Variants in LARP4B observed in about 807,000 individuals in gnomAD.
The protein encoded by LARP4B is La ribonucleoprotein 4B.
LARP4B carries 12 observed loss-of-function variants against 89.8 expected under a neutral mutation model. The ratio of observed to expected loss-of-function variants is 0.13; its 90% CI spans 0.09 to 0.22. LARP4B has a LOEUF of 0.22. LARP4B is among the 10% of genes least tolerant of loss of function. LARP4B has a pLI of 1.00. For synonymous variants in LARP4B, 367 were observed against 363.3 expected (o/e 1.01, Z -0.12); for missense variants, 757 against 947.7 (o/e 0.80, Z 2.64).
intron 8 of LARP4B, among the ~76,000 whole-genome samples, chr10:833,348 G>A (rs1452003047): frequency 1.3e-5 from 2 of 150,176 alleles, no homozygotes; most frequent in Non-Finnish European, 3.0e-5. Context: ...CGTCCTGGGC[G>A]GCATGCCGCC....
At chr10:827,396 G>A (rs535506224) in intron 11 of LARP4B, among the ~76,000 whole-genome samples, 3 of 152,246 alleles carry the variant, frequency 2.0e-5, no homozygotes, top group African/African-American at 7.2e-5. Flanking sequence ...TACAGACAGA[G>A]CCCTGATATT....
At chr10:947,930 T>C in the LARP4B span, among the ~76,000 whole-genome samples, 1 of 152,060 alleles carries the variant, frequency 6.6e-6, no homozygotes, top group Admixed American at 6.5e-5. Context: ...GCCAATGAAA[T>C]GTTTTTTAAA....
chr10:956,643 G>T, the LARP4B span, among the ~76,000 whole-genome samples: 1 of 152,060 alleles, frequency 6.6e-6, no homozygotes, highest in Non-Finnish European at 1.5e-5. This position sits in a 1 kb window ranked among gnomAD's most constrained non-coding sequence, Gnocchi z 4.3. Context: ...CACTGTGCCC[G>T]GCCCAAAAAT....
intron 5 of LARP4B, among the ~76,000 whole-genome samples, chr10:850,803 A>T (rs966139329): frequency 2.0e-5 from 3 of 152,200 alleles, no homozygotes; most frequent in Non-Finnish European, 2.9e-5. Context: ...ACTAGAAATT[A>T]ATAAAAGAAA....
At chr10:936,504 A>G (rs1470105414), upstream of LARP4B, among the ~76,000 whole-genome samples, 1 of 152,066 alleles carries the variant, frequency 6.6e-6, no homozygotes, top group Non-Finnish European at 1.5e-5. Flanking sequence ...TGTATCATCT[A>G]ATGTCAGGAG....
chr10:947,149 C>T, the LARP4B span, among the ~76,000 whole-genome samples: 1 of 152,140 alleles, frequency 6.6e-6, no homozygotes, highest in African/African-American at 2.4e-5. Context: ...GGATTACAGG[C>T]GTGAGCCACT....
chr10:872,328 GC>G (rs1197824783), intron 3 of LARP4B, among the ~76,000 whole-genome samples: 1 of 152,184 alleles, frequency 6.6e-6, no homozygotes, highest in African/African-American at 2.4e-5. Context: ...AGTTCTTCCT[GC>G]CGTGGCTCTG....
intron 3 of LARP4B, among the ~76,000 whole-genome samples, chr10:882,599 G>T (rs1398529761): frequency 6.6e-6 from 1 of 152,096 alleles, no homozygotes; most frequent in Non-Finnish European, 1.5e-5. Flanking sequence ...GTGTTAGCCA[G>T]GATGGTCTCG....
chr10:867,847 C>T (rs1468581025), intron 3 of LARP4B, among the ~76,000 whole-genome samples: 1 of 116,474 alleles, frequency 8.6e-6, no homozygotes, highest in Non-Finnish European at 1.7e-5. Flanking sequence ...GGTGACAGAG[C>T]AAGACTCCAT....
At chr10:919,260 G>C (rs1178226220) in intron 1 of LARP4B, among the ~76,000 whole-genome samples, 1 of 152,130 alleles carries the variant, frequency 6.6e-6, no homozygotes, top group Non-Finnish European at 1.5e-5. Flanking sequence ...TGGATCCAAG[G>C]TGCTGCACAG....
chr10:930,756 A>G (rs1316763886), intron 1 of LARP4B, among the ~76,000 whole-genome samples: 1 of 152,120 alleles, frequency 6.6e-6, no homozygotes, highest in African/African-American at 2.4e-5. Context: ...TATCAACAGG[A>G]AAACAGGAGC....
chr10:916,655 A>C (rs191801203), intron 1 of LARP4B, among the ~76,000 whole-genome samples: 1 of 152,306 alleles, frequency 6.6e-6, no homozygotes, highest in Admixed American at 6.5e-5. Flanking sequence ...AGATCACGCC[A>C]TTGCACTCCA....
At chr10:944,375 T>C in the LARP4B span, among the ~76,000 whole-genome samples, 2 of 152,198 alleles carry the variant, frequency 1.3e-5, no homozygotes, top group Non-Finnish European at 2.9e-5. Flanking sequence ...ATCATCAGCC[T>C]GGGATATGGC....
intron 1 of LARP4B, among the ~76,000 whole-genome samples, chr10:925,295 C>T (rs888883241): frequency 2.6e-5 from 4 of 152,136 alleles, no homozygotes; most frequent in African/African-American, 9.7e-5. Context: ...CTGGTCAGAA[C>T]ACCTGCCACA....
At chr10:957,104 A>T in the LARP4B span, among the ~76,000 whole-genome samples, 1 of 152,146 alleles carries the variant, frequency 6.6e-6, no homozygotes, top group Non-Finnish European at 1.5e-5. Context: ...GTGATGGGAG[A>T]GTGCAAGCTC....
the LARP4B span, among the ~76,000 whole-genome samples, chr10:952,126 C>A: frequency 6.6e-6 from 1 of 151,700 alleles, no homozygotes; most frequent in Non-Finnish European, 1.5e-5. Flanking sequence ...ATCACAAGGT[C>A]AGGAGATCAA....
intron 11 of LARP4B, among the ~76,000 whole-genome samples, chr10:828,376 C>T (rs1043412605): frequency 2.0e-5 from 3 of 152,236 alleles, no homozygotes; most frequent in African/African-American, 7.2e-5. Context: ...CACGTGTCTC[C>T]TTGGCATGTT....
At chr10:946,984 C>T in the LARP4B span, among the ~76,000 whole-genome samples, 1 of 152,114 alleles carries the variant, frequency 6.6e-6, no homozygotes, top group Non-Finnish European at 1.5e-5. Flanking sequence ...TTTCTCATGC[C>T]TTAACCTCCC....
intron 6 of LARP4B, among the ~76,000 whole-genome samples, chr10:843,446 C>T (rs1162502079): frequency 2.0e-5 from 3 of 152,144 alleles, no homozygotes; most frequent in Non-Finnish European, 4.4e-5. Flanking sequence ...CGCCTGGAAT[C>T]CCAGCACTTT....
Sources: gnomAD v4.1 joint callset for allele counts (sites outside exome capture counted in the v4.1 genomes callset) on GRCh38, gnomAD v4.1.1 for gene constraint, Gnocchi (gnomAD v3.1) non-coding constraint, MANE v1.5 for transcripts, NCBI Gene and HGNC (gene_info 2026-07-23, HGNC 2026-07-21) for gene names.